The following TRPC3 variants were observed in gnomAD, a reference collection of about 807,000 sequenced individuals.
The protein encoded by TRPC3 is transient receptor potential cation channel subfamily C member 3.
A neutral mutation model predicts 90.9 loss-of-function variants in TRPC3; 54 were observed. The observed-to-expected ratio is 0.59, with a 90% CI of 0.48 to 0.75. The LOEUF (loss-of-function observed/expected upper bound fraction) is 0.75. TRPC3 is among the 30% of genes least tolerant of loss of function. The pLI is 0.00. For synonymous variants in TRPC3, 424 were observed against 450.9 expected (o/e 0.94, Z 0.75); for missense variants, 918 against 1,194.5 (o/e 0.77, Z 3.41).
chr4:121,902,099 A>G (rs1035335417), intron 9 of TRPC3, among the ~76,000 whole-genome samples: 1 of 152,170 alleles, frequency 6.6e-6, no homozygotes, highest in African/African-American at 2.4e-5. Context: ...GATAACATTG[A>G]TATCTCGTGG....
At chr4:121,893,153 T>C (rs570329661) in intron 10 of TRPC3, among the ~76,000 whole-genome samples, 102 of 141,560 alleles carry the variant, frequency 7.2e-4, no homozygotes, top group African/African-American at 2.5e-3. Context: ...AAAGGAAAAA[T>C]AATAGGAAAT....
Position 121,914,948 on chromosome 4 carries a change from T to C in TRPC3, c.1177-4A>G, listed in dbSNP as rs200005537. The C allele has an allele frequency of 8.2e-6, 13 of 1,593,902 alleles. No individual in the cohort carries two copies. The South Asian group carries it at 1.0e-4, about 12-fold the overall frequency. On this transcript the variant is annotated splice_polypyrimidine_tract_variant and splice_region_variant and intron_variant, in intron 3 of 11. Transcript: ENST00000379645. The stretch of plus-strand genomic sequence containing the variant: ...GGCAGTTGGGATGAGCCACAAACTA[T>C]TGGGAGAGAGAGAGTTTGAGAAGGG...
At chr4:121,944,175 C>T (rs1379790228) in intron 1 of TRPC3, among the ~76,000 whole-genome samples, 2 of 152,082 alleles carry the variant, frequency 1.3e-5, no homozygotes, top group African/African-American at 4.8e-5. Context: ...ACACTGAGGG[C>T]AGTAGAGGGG....
Position 121,914,819 on chromosome 4 carries a change from T to C in TRPC3, c.1302A>G (p.Pro434=). The change falls in exon 4 of 12, where the codon CCA becomes CCG. Residue 434 remains proline, a synonymous_variant. Coordinates refer to ENST00000379645, the MANE Select transcript of TRPC3 (RefSeq NM_001130698.2). ...CGATCCAGTAGCCAATGGCCAGGAA[T>C]GGAAGGCCCAGGGCCACGACCAGCA... is the stretch of plus-strand genomic sequence containing the variant. ...LVVLVVALGL[P]FLAIGYWIAP... 3 of 1,612,986 alleles carry C rather than the reference T, an allele frequency of 1.9e-6. No individual in the cohort carries two copies. The highest frequency in any genetic ancestry group is 2.5e-6 in the Non-Finnish European group (3 of 1,179,226).
intron 8 of TRPC3, 139 bp downstream of exon 8, chr4:121,904,183 C>A: frequency 1.5e-6 from 1 of 673,774 alleles, no homozygotes; most frequent in Non-Finnish European, 2.3e-6. Context: ...GTAGAAAACA[C>A]AGGGAAAGGC....
At chr4:121,927,757 C>T (rs913305820) in intron 2 of TRPC3, among the ~76,000 whole-genome samples, 19 of 152,110 alleles carry the variant, frequency 1.2e-4, no homozygotes, top group African/African-American at 2.9e-4. Context: ...CTTTTCCCTT[C>T]GTAAGGGAAC....
At chr4:121,886,774 G>C (rs1343895715) in intron 10 of TRPC3, among the ~76,000 whole-genome samples, 5 of 151,796 alleles carry the variant, frequency 3.3e-5, no homozygotes, top group Admixed American at 6.6e-5. Context: ...TTCTCTTGTA[G>C]GTTTCCCAGT....
At chr4:121,923,907 A>G (rs1460837779) in intron 3 of TRPC3, among the ~76,000 whole-genome samples, 1 of 152,232 alleles carries the variant, frequency 6.6e-6, no homozygotes, top group Non-Finnish European at 1.5e-5. Flanking sequence ...CTTAAAGTAC[A>G]AGAAAGTCTG....
chr4:121,914,997 C>T (rs1183860877), intron 3 of TRPC3, 53 bp from the exon 4 acceptor site: 3 of 1,474,726 alleles, frequency 2.0e-6, no homozygotes, highest in African/African-American at 2.8e-5. Flanking sequence ...GTTACCATAC[C>T]ATTGTCAATA....
At chr4:121,918,294 C>T (rs1164514957) in intron 3 of TRPC3, among the ~76,000 whole-genome samples, 2 of 152,160 alleles carry the variant, frequency 1.3e-5, no homozygotes, top group Admixed American at 6.5e-5. Flanking sequence ...TTATAAGTCT[C>T]TCCATCTCAG....
chr4:121,945,710 C>A (rs1730463145), intron 1 of TRPC3, among the ~76,000 whole-genome samples: 1 of 152,156 alleles, frequency 6.6e-6, no homozygotes, highest in African/African-American at 2.4e-5. Context: ...CCCTCCTGCA[C>A]CCCTATGGGA....
chr4:121,919,950 G>A (rs1391253469), intron 3 of TRPC3, among the ~76,000 whole-genome samples: 4 of 152,174 alleles, frequency 2.6e-5, no homozygotes, highest in African/African-American at 9.7e-5. Context: ...ATGGTGGGGA[G>A]TGGATTAATG....
chr4:121,924,507 C>CA (rs530935797), intron 3 of TRPC3, among the ~76,000 whole-genome samples: 88 of 152,172 alleles, frequency 5.8e-4, no homozygotes, highest in African/African-American at 2.0e-3. Context: ...TTACCCCCCA[C>CA]AAAAAACTCT....
rs1727853735 is a variant in TRPC3, at chr4:121,879,139, G to C, written c.*597C>G. On this transcript the variant is annotated 3_prime_UTR_variant, in exon 12 of 12. Coordinates refer to ENST00000379645, the MANE Select transcript of TRPC3 (RefSeq NM_001130698.2). ...TTTTGTTGTTAAATTCTTCACTTGG[G>C]GCTCAGTGGTTCTAGGATTATCAGT... The C allele has an allele frequency of 2.0e-5, 3 of 151,002 alleles. No homozygotes were observed. In the South Asian group the frequency reaches 6.3e-4, roughly 32 times the overall value. 9.4% of individuals were successfully genotyped at this position (151,002 alleles called of 1,614,324 possible). A position where few individuals can be genotyped will look rare whatever the true frequency, so the allele number is the denominator to read the frequency against.
Position 121,926,278 on chromosome 4 carries a change from C to A in TRPC3, c.988-1072G>T, listed in dbSNP as rs576670088. 2.6e-4 allele frequency among the ~76,000 whole-genome samples: 39 copies of A among 152,316 alleles called. 1 individual carries two copies. In the South Asian group the frequency reaches 3.5e-3, roughly 14 times the overall value. ...CTTTGTTATTGTTCCGGGAGTGTAA[C>A]CCTCCTCACTTTTCCTTTAAAAACC... On this transcript the variant is annotated intron_variant, in intron 2 of 11. Coordinates refer to ENST00000379645, the MANE Select transcript of TRPC3 (RefSeq NM_001130698.2).
At chr4:121,899,796 T>C (rs1728642649) in intron 9 of TRPC3, 101 bp from the exon 10 acceptor site, 3 of 881,574 alleles carry the variant, frequency 3.4e-6, no homozygotes. Flanking sequence ...GGAGTCAACA[T>C]TCCCAAGAAA....
At chr4:121,906,737 G>A (rs988743089) in intron 7 of TRPC3, among the ~76,000 whole-genome samples, 21 of 151,988 alleles carry the variant, frequency 1.4e-4, no homozygotes, top group Admixed American at 7.9e-4. Flanking sequence ...CACAATCTGG[G>A]TGTCTCCATG....
chr4:121,896,284 A>T (rs964558108), intron 10 of TRPC3, among the ~76,000 whole-genome samples: 4 of 152,132 alleles, frequency 2.6e-5, no homozygotes, highest in African/African-American at 9.7e-5. Flanking sequence ...CACCACTCTT[A>T]TTCAACATAG....
intron 1 of TRPC3, among the ~76,000 whole-genome samples, chr4:121,941,042 T>C (rs1578657032): frequency 6.6e-6 from 1 of 152,330 alleles, no homozygotes; most frequent in East Asian, 1.9e-4. Flanking sequence ...GAGGTCTTCC[T>C]GGCTACTTTA....
Sources: gnomAD v4.1 joint callset for allele counts (sites outside exome capture counted in the v4.1 genomes callset) on GRCh38, gnomAD v4.1.1 for gene constraint, MANE v1.5 for transcripts, NCBI Gene and HGNC (gene_info 2026-07-23, HGNC 2026-07-21) for gene names.